The following ANK3 variants were observed in gnomAD, a reference collection of about 807,000 sequenced individuals.
The protein encoded by ANK3 is ankyrin-3.
Under a neutral mutation model 370.9 loss-of-function variants are expected in ANK3, and 57 were observed. The ratio of observed to expected loss-of-function variants is 0.15; its 90% CI spans 0.12 to 0.19. The LOEUF (loss-of-function observed/expected upper bound fraction) is 0.19, where lower values mean the gene tolerates loss of function less well. ANK3 is among the 10% of genes least tolerant of loss of function. The pLI is 1.00. For synonymous variants in ANK3, 1,929 were observed against 1,946.3 expected (o/e 0.99, Z 0.23); for missense variants, 4,439 against 5,302.1 (o/e 0.84, Z 5.06).
chr10:60,405,514 A>C (rs187263520), intron 2 of ANK3, among the ~76,000 whole-genome samples: 7 of 152,276 alleles, frequency 4.6e-5, no homozygotes, highest in Admixed American at 4.6e-4. Context: ...TTGACTGGGA[A>C]GGGAGAAAAT....
At chr10:60,135,651 G>A (rs1284963293) in intron 24 of ANK3, among the ~76,000 whole-genome samples, 1 of 152,216 alleles carries the variant, frequency 6.6e-6, no homozygotes, top group East Asian at 1.9e-4. Context: ...GCCAGACTTT[G>A]GCTTTGGCCT....
intron 2 of ANK3, among the ~76,000 whole-genome samples, chr10:60,525,711 CTG>C (rs1044025138): frequency 4.6e-5 from 7 of 152,108 alleles, no homozygotes; most frequent in African/African-American, 1.7e-4. Flanking sequence ...TCTGTTCAAA[CTG>C]TGAATTTGGA....
intron 1 of ANK3, among the ~76,000 whole-genome samples, chr10:60,370,236 G>C (rs1460887522): frequency 6.6e-6 from 1 of 152,070 alleles, no homozygotes; most frequent in Non-Finnish European, 1.5e-5. Flanking sequence ...TTAACAAAAA[G>C]ATTTGAAAGG....
chr10:60,266,739 T>C (rs1307845342), intron 5 of ANK3, among the ~76,000 whole-genome samples: 1 of 152,200 alleles, frequency 6.6e-6, no homozygotes, highest in Non-Finnish European at 1.5e-5. Context: ...AGCTCCAGAT[T>C]TTGTTTCAAA....
chr10:60,232,850 G>A (rs546959347), intron 8 of ANK3, among the ~76,000 whole-genome samples: 2 of 152,252 alleles, frequency 1.3e-5, no homozygotes, highest in Non-Finnish European at 2.9e-5. Flanking sequence ...TCATCTATTG[G>A]TTGAGTAAAT....
At chr10:60,160,098 A>G (rs1591026916) in intron 23 of ANK3, among the ~76,000 whole-genome samples, 2 of 152,080 alleles carry the variant, frequency 1.3e-5, no homozygotes, top group Non-Finnish European at 2.9e-5. Flanking sequence ...GACTAAAAAT[A>G]TACTACAAAA....
intron 14 of ANK3, among the ~76,000 whole-genome samples, chr10:60,197,875 A>T (rs1243605411): frequency 6.6e-6 from 1 of 152,210 alleles, no homozygotes; most frequent in Non-Finnish European, 1.5e-5. Context: ...AAATAAATCA[A>T]ACCATAAGTC....
chr10:60,730,286 T>C (rs2080002935), intron 1 of ANK3, among the ~76,000 whole-genome samples: 1 of 152,036 alleles, frequency 6.6e-6, no homozygotes. Context: ...GCCTCCAGAA[T>C]AGCTGGGACT....
intron 2 of ANK3, among the ~76,000 whole-genome samples, chr10:60,468,874 T>C (rs2065072095): frequency 6.6e-6 from 1 of 150,696 alleles, no homozygotes; most frequent in African/African-American, 2.4e-5. Context: ...CTTTTTAATA[T>C]TCTAATATTT....
intron 1 of ANK3, among the ~76,000 whole-genome samples, chr10:60,375,555 G>A (rs1334693831): frequency 6.6e-6 from 1 of 152,078 alleles, no homozygotes; most frequent in Non-Finnish European, 1.5e-5. Context: ...CAAGCAGGCC[G>A]AGGCACCTTC....
In ANK3 at chr10:60,074,160, T is replaced by G. The variant is rs1231864628; in HGVS notation, c.6721A>C (p.Lys2241Gln). Reference protein sequence around the residue: ...NRVLSKGMRVKEETHITTTTR... With the variant: ...NRVLSKGMRVQEETHITTTTR... ...GTTGTGGTTATGTGAGTCTCTTCTT[T>G]AACACGCATGCCTTTGCTTAAAACC... Residue 2241 changes from lysine to glutamine, a missense_variant, in exon 37 of 44, where the codon AAA (lysine) becomes CAA (glutamine). Around this residue, in one of 13 missense-constraint regions of ANK3, gnomAD observed 1,601 missense variants for 1,731.7 expected, o/e 0.92. Coordinates refer to ENST00000280772, the MANE Select transcript of ANK3 (RefSeq NM_020987.5). The G allele has an allele frequency of 3.7e-6, 6 of 1,613,982 alleles. No individual in the cohort carries two copies. In the Admixed American group the frequency reaches 1.0e-4, roughly 27 times the overall value.
chr10:60,146,772 G>T (rs759056577), intron 23 of ANK3, among the ~76,000 whole-genome samples: 1 of 152,136 alleles, frequency 6.6e-6, no homozygotes, highest in African/African-American at 2.4e-5. Flanking sequence ...GAGCCACTGC[G>T]CCCGGCAAAG....
chr10:60,283,113 C>T (rs1214820552), intron 1 of ANK3, among the ~76,000 whole-genome samples: 1 of 152,186 alleles, frequency 6.6e-6, no homozygotes, highest in East Asian at 1.9e-4. Context: ...TTCACAGCTT[C>T]TTACTCTCTC....
chr10:60,222,932 C>G (rs189687409), intron 8 of ANK3, among the ~76,000 whole-genome samples: 67 of 152,152 alleles, frequency 4.4e-4, no homozygotes, highest in African/African-American at 1.5e-3. Context: ...TTTTCTATAC[C>G]TCTTTTGGGG....
chr10:60,052,067 AG>A, intron 42 of ANK3, among the ~76,000 whole-genome samples: 1 of 152,342 alleles, frequency 6.6e-6, no homozygotes, highest in African/African-American at 2.4e-5. Context: ...TTTATTAAAA[AG>A]TAAAGAATCT....
At chr10:60,184,479 T>A (rs1191513386) in intron 17 of ANK3, among the ~76,000 whole-genome samples, 2 of 152,216 alleles carry the variant, frequency 1.3e-5, no homozygotes, top group African/African-American at 4.8e-5. Flanking sequence ...GTATTAGAAG[T>A]TCTCAGAAGT....
At chr10:60,068,121 C>A in intron 37 of ANK3, 112 bp from the exon 38 acceptor site, 1 of 882,220 alleles carries the variant, frequency 1.1e-6, no homozygotes, top group Non-Finnish European at 1.8e-6. Context: ...ACACTGTACA[C>A]TGAAATGTGT....
intron 1 of ANK3, among the ~76,000 whole-genome samples, chr10:60,676,191 A>G (rs1327235487): frequency 6.6e-6 from 1 of 152,190 alleles, no homozygotes; most frequent in Non-Finnish European, 1.5e-5. Flanking sequence ...GCAATTTTTA[A>G]AAGCAAAATT....
At chr10:60,720,284 T>G (rs1564617649) in intron 1 of ANK3, among the ~76,000 whole-genome samples, 1 of 152,174 alleles carries the variant, frequency 6.6e-6, no homozygotes, top group African/African-American at 2.4e-5. Flanking sequence ...CCATGAAGGA[T>G]CACATTTAAT....
Sources: gnomAD v4.1 joint callset for allele counts (sites outside exome capture counted in the v4.1 genomes callset) on GRCh38, gnomAD v4.1.1 for gene constraint, gnomAD v4.1.1 regional missense constraint, MANE v1.5 for transcripts, NCBI Gene and HGNC (gene_info 2026-07-23, HGNC 2026-07-21) for gene names.